Variants in ANKFN1 observed in about 807,000 individuals in gnomAD.
ANKFN1 encodes ankyrin repeat and fibronectin type III domain containing 1.
A neutral mutation model predicts 108.7 loss-of-function variants in ANKFN1; 74 were observed. The ratio of observed to expected loss-of-function variants is 0.68; its 90% CI spans 0.56 to 0.83. The LOEUF (loss-of-function observed/expected upper bound fraction) is 0.83, where lower values mean the gene tolerates loss of function less well. Ranked by LOEUF, ANKFN1 falls within the 40% of genes least tolerant of loss-of-function variation. The pLI, the probability that ANKFN1 is intolerant of heterozygous loss-of-function variation, is 0.00. For synonymous variants in ANKFN1, 547 were observed against 516.2 expected (o/e 1.06, Z -0.81); for missense variants, 1,505 against 1,382.3 (o/e 1.09, Z -1.41).
intron 3 of ANKFN1, among the ~76,000 whole-genome samples, chr17:56,300,296 C>T (rs575343777): frequency 1.3e-5 from 2 of 152,166 alleles, no homozygotes; most frequent in East Asian, 1.9e-4. Context: ...AGATGTCGCT[C>T]GATGAGGGCA....
At chr17:56,377,020 AAAG>A (rs1208717630) in intron 8 of ANKFN1, among the ~76,000 whole-genome samples, 1 of 152,208 alleles carries the variant, frequency 6.6e-6, no homozygotes, top group African/African-American at 2.4e-5. Context: ...AAGAAAAGAA[AAAG>A]AAGAAACAAT....
intron 4 of ANKFN1, among the ~76,000 whole-genome samples, chr17:56,081,117 G>A (rs967832803): frequency 6.6e-5 from 10 of 152,114 alleles, no homozygotes; most frequent in African/African-American, 1.4e-4. Flanking sequence ...CATGCAGATC[G>A]GCAGCAACCT....
chr17:56,079,821 T>TA (rs57260900), intron 4 of ANKFN1, among the ~76,000 whole-genome samples: 12,683 of 152,196 alleles, frequency 0.083, 883 homozygotes, highest in African/African-American at 0.19. Flanking sequence ...CTAGTTTCTG[T>TA]AAAAAACATT....
chr17:56,368,177 T>C, intron 6 of ANKFN1: 1 of 1,354,788 alleles, frequency 7.4e-7, no homozygotes, highest in Admixed American at 2.5e-5. Flanking sequence ...AATGAACCTT[T>C]TGATGAAGAT....
intron 2 of ANKFN1, among the ~76,000 whole-genome samples, chr17:56,214,103 T>C (rs1316971800): frequency 6.6e-6 from 1 of 152,282 alleles, no homozygotes; most frequent in South Asian, 2.1e-4. Context: ...TAGAATGTAT[T>C]TGGGAGCAGA....
At chr17:56,319,323 C>T (rs1332222691) in intron 3 of ANKFN1, among the ~76,000 whole-genome samples, 1 of 152,162 alleles carries the variant, frequency 6.6e-6, no homozygotes, top group African/African-American at 2.4e-5. Context: ...TTAATCTAGA[C>T]AAACATTGGT....
chr17:56,384,028 A>T (rs967726667), intron 8 of ANKFN1, among the ~76,000 whole-genome samples: 12 of 152,216 alleles, frequency 7.9e-5, no homozygotes, highest in Non-Finnish European at 1.5e-4. Context: ...ACAACCAAAA[A>T]AGAGAATTTT....
chr17:56,220,754 G>A (rs866571600), intron 2 of ANKFN1, among the ~76,000 whole-genome samples: 1 of 145,312 alleles, frequency 6.9e-6, no homozygotes, highest in Non-Finnish European at 1.5e-5. Flanking sequence ...GAGGGAGGAA[G>A]GAAGGAAAGG....
At chr17:56,338,489 C>T (rs1277219062) in intron 4 of ANKFN1, among the ~76,000 whole-genome samples, 1 of 151,970 alleles carries the variant, frequency 6.6e-6, no homozygotes. Context: ...TAGACTTCAA[C>T]CTGTGGGTTT....
At position 56,449,145 on chromosome 17, in the gene ANKFN1, T is replaced by A; in HGVS notation, c.1166T>A (p.Leu389Gln). 1 of 1,613,498 alleles carries A rather than the reference T, an allele frequency of 6.2e-7. No individual in the cohort carries two copies. The highest frequency in any genetic ancestry group is 1.3e-5 in the African/African-American group (1 of 74,958). Residue 389 changes from leucine to glutamine, a missense_variant, in exon 11 of 21, where the codon CTG (leucine) becomes CAG (glutamine). Coordinates refer to ENST00000682825, the MANE Select transcript of ANKFN1 (RefSeq NM_001370326.1). ...CAGAGTGAAGTTTTGGAAGGTCTGC[T>A]GCAGCAGGTCCGAGCCCTTCATCAG... ...KGQSEVLEGLLQQVRALHQHY... is the reference protein window; with the variant it reads ...KGQSEVLEGLQQQVRALHQHY...
intron 4 of ANKFN1, among the ~76,000 whole-genome samples, chr17:56,140,896 G>A (rs1907880317): frequency 6.6e-6 from 1 of 152,104 alleles, no homozygotes; most frequent in Non-Finnish European, 1.5e-5. Context: ...TCCCAAGTAG[G>A]ACATCTGTTA....
chr17:56,325,591 G>A (rs994285512), intron 3 of ANKFN1, among the ~76,000 whole-genome samples: 1 of 152,134 alleles, frequency 6.6e-6, no homozygotes, highest in Non-Finnish European at 1.5e-5. Context: ...CTCAGAACCC[G>A]CTCAGACAAA....
At chr17:56,241,461 A>G (rs2144000762) in intron 3 of ANKFN1, among the ~76,000 whole-genome samples, 1 of 152,200 alleles carries the variant, frequency 6.6e-6, no homozygotes, top group South Asian at 2.1e-4. Context: ...CTTGCTTTCC[A>G]TATGTCTGGA....
intron 4 of ANKFN1, among the ~76,000 whole-genome samples, chr17:56,066,239 T>C (rs368017286): frequency 6.6e-6 from 1 of 152,216 alleles, no homozygotes; most frequent in Non-Finnish European, 1.5e-5. Flanking sequence ...GGAAGAAGGC[T>C]TGGAGAAATA....
intron 4 of ANKFN1, among the ~76,000 whole-genome samples, chr17:56,129,390 C>A (rs9911699): frequency 0.025 from 3,759 of 151,906 alleles, 166 homozygotes; most frequent in African/African-American, 0.086. Flanking sequence ...TTAAGTAATT[C>A]AGAAAATGGT....
chr17:56,197,217 T>C (rs1913601141), intron 1 of ANKFN1, among the ~76,000 whole-genome samples: 2 of 152,206 alleles, frequency 1.3e-5, no homozygotes, highest in Non-Finnish European at 1.5e-5. Context: ...CCCTCTCTAA[T>C]GTACATTTAT....
At position 56,102,592 on chromosome 17, in the gene ANKFN1, T is replaced by G. The variant is rs142194103; in HGVS notation, c.288+56267T>G. 1.3e-3 allele frequency among the ~76,000 whole-genome samples: 198 copies of G among 151,172 alleles called. 1 individual carries two copies. Among genetic ancestry groups the G allele is most frequent in the African/African-American group, 4.5e-3 (186 of 41,152 alleles). The stretch of plus-strand genomic sequence containing the variant: ...AACAGGGACAAGCATTAGAATCCAC[T>G]GGGGGAGATCCTGAAAAATGCCCAA... On this transcript the variant is annotated intron_variant, in intron 4 of 12. Coordinates refer to the ANKFN1 transcript ENST00000635860.
At chr17:56,222,001 A>G (rs1024728617) in intron 2 of ANKFN1, among the ~76,000 whole-genome samples, 1 of 152,202 alleles carries the variant, frequency 6.6e-6, no homozygotes, top group African/African-American at 2.4e-5. Flanking sequence ...GCAGAATTCC[A>G]GTCCCCACCC....
intron 3 of ANKFN1, among the ~76,000 whole-genome samples, chr17:56,296,151 T>C (rs917304542): frequency 2.6e-5 from 4 of 152,144 alleles, no homozygotes; most frequent in Admixed American, 2.0e-4. Context: ...CTAAGTCCCT[T>C]CCACACTAAC....
Sources: gnomAD v4.1 joint callset for allele counts (sites outside exome capture counted in the v4.1 genomes callset) on GRCh38, gnomAD v4.1.1 for gene constraint, MANE v1.5 for transcripts, NCBI Gene and HGNC (gene_info 2026-07-23, HGNC 2026-07-21) for gene names.